Variants in RORA observed in about 807,000 individuals in gnomAD.
RORA encodes nuclear receptor ROR-alpha.
Under a neutral mutation model 69.5 loss-of-function variants are expected in RORA, and 7 were observed. The observed-to-expected ratio is 0.10, with a 90% CI of 0.06 to 0.19. The LOEUF is 0.19. Among genes scored for constraint, RORA ranks in the 10% least tolerant of loss-of-function variants. RORA has a pLI of 1.00. For missense variants in RORA, 457 were observed against 663.0 expected (o/e 0.69, Z 3.41); for synonymous variants, 261 against 240.8 (o/e 1.08, Z -0.78).
chr15:60,505,575 C>T lies in RORA; in HGVS notation c.875G>A (p.Arg292Lys). 6.2e-7 allele frequency: 1 copy of T among 1,613,944 alleles called. No individual in the cohort carries two copies. The highest frequency in any genetic ancestry group is 8.5e-7 in the Non-Finnish European group (1 of 1,179,860). The change falls in exon 6 of 11, where the codon AGA (arginine) becomes AAA (lysine). Residue 292 changes from arginine (R) to lysine (K), a missense_variant. Around this residue, in one of 3 missense-constraint regions of RORA, gnomAD observed 304 missense variants for 447.4 expected, o/e 0.68. Coordinates refer to ENST00000335670, the MANE Select transcript of RORA (RefSeq NM_134261.3). ...CCACGTTATCTGCTGGAGCTCTTCT[C>T]TCAAGTATTGGCAGGTTTCCAGATG... ...KSHLETCQYLREELQQITWQT... is the reference protein window; with the variant it reads ...KSHLETCQYLKEELQQITWQT...
intron 1 of RORA, among the ~76,000 whole-genome samples, chr15:61,174,334 G>C (rs1037147745): frequency 6.6e-6 from 1 of 152,144 alleles, no homozygotes; most frequent in Admixed American, 6.5e-5. Flanking sequence ...AGCTCTTTAA[G>C]AGTTAGGCTG....
At chr15:60,727,615 G>A (rs1171992335) in intron 1 of RORA, among the ~76,000 whole-genome samples, 1 of 152,142 alleles carries the variant, frequency 6.6e-6, no homozygotes, top group Non-Finnish European at 1.5e-5. Context: ...GGTATCTGGA[G>A]GCAAAGCAAC....
rs969332907 is a variant in RORA at position 60,492,321 on chromosome 15, T to C, written c.*5134A>G. 1.3e-5 allele frequency: 2 copies of C among 152,194 alleles called. No individual in the cohort carries two copies. Among genetic ancestry groups the C allele is most frequent in the Non-Finnish European group, 2.9e-5 (2 of 68,024 alleles). The allele number at this position is 152,194 out of a possible 1,614,324, so 9.4% of individuals were successfully genotyped here. A position where few individuals can be genotyped will look rare whatever the true frequency, so the allele number is the denominator to read the frequency against. On this transcript the variant is annotated 3_prime_UTR_variant, in exon 11 of 11. Coordinates refer to ENST00000335670, the MANE Select transcript of RORA (RefSeq NM_134261.3). ...AAAACGGTATTTCAAAAATATAACATGTAACACTAAATGTTGGCTCGAGTT... is the reference window on the plus strand; with the variant it reads ...AAAACGGTATTTCAAAAATATAACACGTAACACTAAATGTTGGCTCGAGTT...
At chr15:61,044,314 G>C (rs954748326) in intron 1 of RORA, among the ~76,000 whole-genome samples, 2 of 152,086 alleles carry the variant, frequency 1.3e-5, no homozygotes, top group Non-Finnish European at 2.9e-5. Context: ...ATCACCTTCT[G>C]CTCCTCTCAG....
chr15:60,713,908 C>G (rs1446154205), intron 1 of RORA, among the ~76,000 whole-genome samples: 2 of 152,216 alleles, frequency 1.3e-5, no homozygotes, highest in African/African-American at 4.8e-5. Context: ...CTGACCCTAG[C>G]CTTTCAAGCT....
rs369858799 is a variant in RORA at position 61,038,277 on chromosome 15, G to A, written c.166+190776C>T. ...TGTAGCAATGAGACAAAATATGAGA[G>A]TTTTTTTCTTCTTATATATGGTTGC... On this transcript the variant is annotated intron_variant, in intron 1 of 10. Coordinates refer to ENST00000335670, the MANE Select transcript of RORA (RefSeq NM_134261.3). Among the ~76,000 whole-genome samples, 64 of 152,154 alleles carry A rather than the reference G, an allele frequency of 4.2e-4. No individual in the cohort carries two copies. In the South Asian group the frequency reaches 0.013, roughly 32 times the overall value.
chr15:61,067,163 G>A (rs908328647), intron 1 of RORA, among the ~76,000 whole-genome samples: 2 of 150,278 alleles, frequency 1.3e-5, no homozygotes, highest in African/African-American at 4.9e-5. Flanking sequence ...CCAAACTGGA[G>A]TGCAGTGGCA....
chr15:60,946,228 C>T (rs983467489), intron 1 of RORA, among the ~76,000 whole-genome samples: 5 of 144,728 alleles, frequency 3.5e-5, no homozygotes, highest in East Asian at 2.3e-4. Context: ...ACCAAAATGA[C>T]TCCGACTCCC....
intron 1 of RORA, among the ~76,000 whole-genome samples, chr15:61,016,177 C>G (rs1025139980): frequency 1.1e-4 from 16 of 152,162 alleles, no homozygotes; most frequent in African/African-American, 3.4e-4. Flanking sequence ...ACATCTCAGT[C>G]TTCTCATCTC....
At chr15:61,088,765 A>G (rs2078661879) in intron 1 of RORA, among the ~76,000 whole-genome samples, 1 of 152,212 alleles carries the variant, frequency 6.6e-6, no homozygotes, top group South Asian at 2.1e-4. Flanking sequence ...GTACAGCAAG[A>G]AAAGGTCTTC....
intron 1 of RORA, among the ~76,000 whole-genome samples, chr15:60,767,862 G>GGT (rs1378986605): frequency 2.0e-5 from 3 of 152,140 alleles, no homozygotes; most frequent in African/African-American, 7.2e-5. Context: ...TTTCTACTCA[G>GGT]GTGTCTCGTG....
At chr15:60,722,684 T>A (rs1375552887) in intron 1 of RORA, among the ~76,000 whole-genome samples, 1 of 152,174 alleles carries the variant, frequency 6.6e-6, no homozygotes, top group East Asian at 1.9e-4. Flanking sequence ...CCGTGCCAGA[T>A]CTCACAAACA....
At chr15:60,705,135 A>AG (rs992026375) in intron 1 of RORA, among the ~76,000 whole-genome samples, 17 of 151,536 alleles carry the variant, frequency 1.1e-4, no homozygotes, top group African/African-American at 3.1e-4. Flanking sequence ...CAGAAAAAAA[A>AG]AAAGAAAGAA....
chr15:61,031,763 A>C (rs1315637074), intron 1 of RORA, among the ~76,000 whole-genome samples: 5 of 152,236 alleles, frequency 3.3e-5, no homozygotes, highest in Non-Finnish European at 7.3e-5. Context: ...GTGGAAGGAT[A>C]AATCTGCTAT....
intron 1 of RORA, among the ~76,000 whole-genome samples, chr15:61,129,522 T>C (rs992701644): frequency 2.6e-5 from 4 of 152,204 alleles, no homozygotes; most frequent in Non-Finnish European, 5.9e-5. Flanking sequence ...TGGAACTAGA[T>C]AGTGGTGATG....
intron 1 of RORA, among the ~76,000 whole-genome samples, chr15:60,866,730 A>G (rs545092091): frequency 6.6e-6 from 1 of 152,318 alleles, no homozygotes; most frequent in South Asian, 2.1e-4. Flanking sequence ...TGCTGAAGAC[A>G]TAGAGGTGCT....
intron 1 of RORA, among the ~76,000 whole-genome samples, chr15:60,818,830 A>C (rs756225780): frequency 1.1e-4 from 16 of 152,326 alleles, no homozygotes; most frequent in South Asian, 2.1e-4. Context: ...CTGTGTACAT[A>C]AGCCCAGCAC....
intron 1 of RORA, among the ~76,000 whole-genome samples, chr15:60,718,008 A>C (rs1403479440): frequency 6.6e-6 from 1 of 151,962 alleles, no homozygotes; most frequent in Non-Finnish European, 1.5e-5. Context: ...CATGTTGGCC[A>C]GGCTAGTCTC....
chr15:61,200,436 A>T (rs932186203), intron 1 of RORA, among the ~76,000 whole-genome samples: 4 of 152,170 alleles, frequency 2.6e-5, no homozygotes, highest in African/African-American at 9.7e-5. Context: ...TCACCGCAGG[A>T]TCCATCGGGG....
Sources: allele counts gnomAD v4.1 joint callset (sites outside exome capture counted in the v4.1 genomes callset), GRCh38; gene constraint gnomAD v4.1.1; regional missense constraint gnomAD v4.1.1; transcripts MANE v1.5; gene names NCBI Gene and HGNC (gene_info 2026-07-23, HGNC 2026-07-21).